Variants in CIP2A observed in about 807,000 individuals in gnomAD.
The protein encoded by CIP2A is protein CIP2A.
Under a neutral mutation model 110.9 loss-of-function variants are expected in CIP2A, and 103 were observed. The ratio of observed to expected loss-of-function variants is 0.93; its 90% CI spans 0.79 to 1.09. The LOEUF is 1.09. CIP2A is among the 50% of genes least tolerant of loss of function. The probability of loss-of-function intolerance (pLI) is 0.00; values close to 1 mark genes in which losing one functional copy is unlikely to be tolerated. For synonymous variants in CIP2A, 381 were observed against 361.6 expected, an observed-to-expected ratio of 1.05 and a Z score of -0.61; for missense variants, 1,088 against 1,038.4, an observed-to-expected ratio of 1.05 and a Z score of -0.66.
chr3:108,557,341 T>C lies in CIP2A; in HGVS notation c.2087A>G (p.Gln696Arg), dbSNP rs1559689477. ...CTGCGCTCTTTCTGATTCAACTTGCTGCGCCTTCAGCAACACACTAAGCTC... is the reference window on the plus strand; with the variant it reads ...CTGCGCTCTTTCTGATTCAACTTGCCGCGCCTTCAGCAACACACTAAGCTC... ...NEELSVLLKAQQVESERAQSD... is the reference protein window; with the variant it reads ...NEELSVLLKARQVESERAQSD... The change falls in exon 17 of 21, where the codon CAG (glutamine) becomes CGG (arginine). Residue 696 changes from glutamine to arginine, a missense_variant. By Grantham distance (43) the Gln-to-Arg change is conservative. Transcript: ENST00000295746. 3 of 1,612,724 alleles carry C rather than the reference T, an allele frequency of 1.9e-6. No homozygotes were observed. The highest frequency in any genetic ancestry group is 2.5e-6 in the Non-Finnish European group (3 of 1,179,114).
Position 108,579,556 on chromosome 3 carries a change from T to C in CIP2A, c.672+10A>G, listed in dbSNP as rs1938791515. The C allele has an allele frequency of 7.0e-6, 11 of 1,577,322 alleles. No individual in the cohort carries two copies. The East Asian group carries it at 2.0e-4, about 29-fold the overall frequency. On this transcript the variant is annotated intron_variant, in intron 6 of 20. Transcript: ENST00000295746. ...TAAACTTCAGAATAAATTTGAAAAA[T>C]TGTATTTACCTTTTCCCCCACCTCT...
At chr3:108,587,141 G>A (rs982224634) in intron 1 of CIP2A, among the ~76,000 whole-genome samples, 2 of 151,968 alleles carry the variant, frequency 1.3e-5, no homozygotes, top group African/African-American at 2.4e-5. Context: ...CAACTAAAAC[G>A]GAACATATAG....
intron 13 of CIP2A, among the ~76,000 whole-genome samples, chr3:108,561,896 C>A (rs1180754485): frequency 6.6e-6 from 1 of 152,078 alleles, no homozygotes; most frequent in Non-Finnish European, 1.5e-5. Flanking sequence ...CACACAGAGG[C>A]AGAGGATAAG....
intron 18 of CIP2A, among the ~76,000 whole-genome samples, 188 bp from the exon 19 acceptor site, chr3:108,553,918 A>AAAAAAAAAAAAAAAAAAAAAACAAAAAC (rs1937693280): frequency 7.0e-6 from 1 of 143,714 alleles, no homozygotes; most frequent in African/African-American, 2.6e-5. Flanking sequence ...AAAAAAAAAA[A>AAAAAAAAAAAAAAAAAAAAAACAAAAAC]AGGTCTCGTT....
intron 2 of CIP2A, among the ~76,000 whole-genome samples, chr3:108,583,385 A>G (rs1298055445): frequency 6.6e-6 from 1 of 152,214 alleles, no homozygotes; most frequent in Non-Finnish European, 1.5e-5. Flanking sequence ...ACTTTATGGT[A>G]TATTTACACA....
Position 108,551,326 on chromosome 3 carries a change from A to T in CIP2A, c.2548-7T>A, listed in dbSNP as rs376908993. 2.3e-5 allele frequency: 36 copies of T among 1,598,094 alleles called. No homozygotes were observed. The East Asian group carries it at 7.9e-4, about 35-fold the overall frequency. ...GAACCTCTAGGGAGGAAGCCTAAGG[A>T]ATTGGGGTTGGGGGAGGAGGAAGAA... On this transcript the variant is annotated splice_region_variant and splice_polypyrimidine_tract_variant and intron_variant, in intron 20 of 20. Coordinates refer to ENST00000295746, the MANE Select transcript of CIP2A (RefSeq NM_020890.3).
intron 8 of CIP2A, among the ~76,000 whole-genome samples, chr3:108,573,885 T>A (rs2107347673): frequency 6.6e-6 from 1 of 152,216 alleles, no homozygotes; most frequent in Admixed American, 6.5e-5. Flanking sequence ...CCTGGAAAAG[T>A]CGTACTTCAC....
chr3:108,571,049 G>C (rs568032795), intron 8 of CIP2A, among the ~76,000 whole-genome samples: 2 of 151,878 alleles, frequency 1.3e-5, no homozygotes, highest in Non-Finnish European at 2.9e-5. Flanking sequence ...GTCTACACAG[G>C]GCCAGGGTAA....
chr3:108,562,113 A>T (rs1039658061), intron 13 of CIP2A, among the ~76,000 whole-genome samples: 1 of 152,140 alleles, frequency 6.6e-6, no homozygotes, highest in African/African-American at 2.4e-5. Context: ...AATTTTGGTT[A>T]TATGTTCTCT....
intron 8 of CIP2A, among the ~76,000 whole-genome samples, chr3:108,575,344 A>C (rs561423449): frequency 6.7e-6 from 1 of 148,966 alleles, no homozygotes; most frequent in Non-Finnish European, 1.5e-5. Context: ...ATATATACAT[A>C]TACACACATG....
At chr3:108,585,903 CAT>C in intron 1 of CIP2A, 3 of 387,658 alleles carry the variant, frequency 7.7e-6, no homozygotes, top group South Asian at 1.9e-5. Context: ...CAGACACATA[CAT>C]ACACACACAC....
chr3:108,582,675 G>A (rs79533278), intron 3 of CIP2A, among the ~76,000 whole-genome samples: 2,932 of 152,196 alleles, frequency 0.019, 103 homozygotes, highest in African/African-American at 0.067. Flanking sequence ...GCCAACTCAC[G>A]TTACAATTTT....
chr3:108,555,532 G>T (rs1269246752), intron 17 of CIP2A, among the ~76,000 whole-genome samples: 1 of 152,142 alleles, frequency 6.6e-6, no homozygotes, highest in Non-Finnish European at 1.5e-5. Flanking sequence ...CATTGAGGAA[G>T]CCCACTGACC....
At position 108,554,523 on chromosome 3, in the gene CIP2A, T is replaced by C. The variant is rs374812872; in HGVS notation, c.2211-34A>G. On this transcript the variant is annotated intron_variant, in intron 17 of 20. Transcript: ENST00000295746. ...ACAAGAAAATGAGTTGGCATCATTA[T>C]GGAGGAAAACATATGAAGGAGAAAA... is the stretch of plus-strand genomic sequence containing the variant. 51 of 890,914 alleles carry C rather than the reference T, an allele frequency of 5.7e-5. No individual in the cohort carries two copies. In the South Asian group the frequency reaches 7.3e-4, roughly 13 times the overall value. 55.2% of individuals were successfully genotyped at this position (890,914 alleles called of 1,614,324 possible).
At chr3:108,588,029 C>G (rs1169169318) in intron 1 of CIP2A, among the ~76,000 whole-genome samples, 1 of 152,170 alleles carries the variant, frequency 6.6e-6, no homozygotes, top group Non-Finnish European at 1.5e-5. Flanking sequence ...CCGCTCGCCT[C>G]GGCCTCCCAA....
Position 108,585,179 on chromosome 3 carries a change from T to A in CIP2A, c.136A>T (p.Thr46Ser). ...ISGQKLTRLF[T>S]SNQILTSECL... ...TCACTTGTTAATATCTGATTTGATG[T>A]AAATAGTCGTGTGAGTTTCTGTCCA... Residue 46 changes from threonine (T) to serine (S), a missense_variant, in exon 2 of 21, where the codon ACA (threonine) becomes TCA (serine). Transcript: ENST00000295746. 6.2e-7 allele frequency: 1 copy of A among 1,611,974 alleles called. No homozygotes were observed. Among genetic ancestry groups the A allele is most frequent in the African/African-American group, 1.3e-5 (1 of 74,978 alleles).
chr3:108,572,386 G>A (rs1368267755), intron 8 of CIP2A, among the ~76,000 whole-genome samples: 3 of 151,770 alleles, frequency 2.0e-5, no homozygotes, highest in Admixed American at 1.3e-4. Flanking sequence ...TGAGGAAGGG[G>A]GTCAAATTTC....
Position 108,559,748 on chromosome 3 carries a change from T to C in CIP2A, c.2013+9A>G, listed in dbSNP as rs1290486033. 7.3e-6 allele frequency: 11 copies of C among 1,507,506 alleles called. No individual in the cohort carries two copies. Among genetic ancestry groups the C allele is most frequent in the Middle Eastern group, 1.8e-4 (1 of 5,712 alleles). 93.4% of individuals were successfully genotyped at this position (1,507,506 alleles called of 1,614,324 possible). ...CTACAAATCAGATGTGTCTTTATATTCTACACACCTCTGTTTCAGCTTGAG... is the reference window on the plus strand; with the variant it reads ...CTACAAATCAGATGTGTCTTTATATCCTACACACCTCTGTTTCAGCTTGAG... On this transcript the variant is annotated intron_variant, in intron 16 of 20. Transcript: ENST00000295746.
At chr3:108,579,132 G>T in intron 7 of CIP2A, 149 bp downstream of exon 7, 1 of 572,870 alleles carries the variant, frequency 1.7e-6, no homozygotes, top group Non-Finnish European at 3.0e-6. Context: ...AGAAAAAAGA[G>T]TGTGAGTAAA....
Sources: allele counts gnomAD v4.1 joint callset (sites outside exome capture counted in the v4.1 genomes callset), GRCh38; gene constraint gnomAD v4.1.1; transcripts MANE v1.5; gene names NCBI Gene and HGNC (gene_info 2026-07-23, HGNC 2026-07-21).